PM20D2: variants seen among roughly 807,000 people sequenced by gnomAD.
PM20D2 encodes the protein xaa-Arg dipeptidase.
Under a neutral mutation model 42.9 loss-of-function variants are expected in PM20D2, and 33 were observed. The ratio of observed to expected loss-of-function variants is 0.77; its 90% CI spans 0.58 to 1.03. PM20D2 has a LOEUF of 1.03. PM20D2 is among the 50% of genes least tolerant of loss of function. The pLI is 0.00. For synonymous variants in PM20D2, 250 were observed against 228.2 expected, an observed-to-expected ratio of 1.10 and a Z score of -0.86; for missense variants, 548 against 557.0, an observed-to-expected ratio of 0.98 and a Z score of 0.16.
chr6:89,100,326 C>G, the PM20D2 span, among the ~76,000 whole-genome samples: 1 of 152,176 alleles, frequency 6.6e-6, no homozygotes, highest in African/African-American at 2.4e-5. Flanking sequence ...CCCAGAAGGG[C>G]TACAATCTAG....
At chr6:89,138,823 C>T in the PM20D2 span, among the ~76,000 whole-genome samples, 2 of 152,020 alleles carry the variant, frequency 1.3e-5, no homozygotes, top group Non-Finnish European at 2.9e-5. Context: ...AGAGATGGCA[C>T]CACTGCACTC....
At chr6:89,117,999 C>A in the PM20D2 span, 2 of 1,182,198 alleles carry the variant, frequency 1.7e-6, no homozygotes, top group Non-Finnish European at 2.3e-6. Context: ...GCGACCCCCA[C>A]CCCTCGGCCT....
the PM20D2 span, among the ~76,000 whole-genome samples, chr6:89,118,429 C>A: frequency 6.6e-6 from 1 of 152,220 alleles, no homozygotes; most frequent in Non-Finnish European, 1.5e-5. Flanking sequence ...TGGTAGGCCT[C>A]CTGCCCCTCT....
At chr6:89,134,005 G>A in the PM20D2 span, among the ~76,000 whole-genome samples, 1 of 151,282 alleles carries the variant, frequency 6.6e-6, no homozygotes, top group African/African-American at 2.5e-5. Flanking sequence ...CCCAACGACG[G>A]ATGAATAACG....
the PM20D2 span, among the ~76,000 whole-genome samples, chr6:89,101,800 A>G: frequency 2.6e-5 from 4 of 152,246 alleles, no homozygotes; most frequent in Non-Finnish European, 5.9e-5. Context: ...CACTATGGGT[A>G]TCAGAAAAAC....
chr6:89,147,709 T>G (rs833243), intron 1 of PM20D2, among the ~76,000 whole-genome samples: 1 of 150,794 alleles, frequency 6.6e-6, no homozygotes, highest in Non-Finnish European at 1.5e-5. Context: ...TGGTGAAACC[T>G]CTGTCTCTAC....
At chr6:89,099,536 A>G in the PM20D2 span, among the ~76,000 whole-genome samples, 1 of 90,900 alleles carries the variant, frequency 1.1e-5, no homozygotes, top group South Asian at 4.6e-4. Flanking sequence ...ACACACATAC[A>G]TGTTTTTTTT....
At position 89,158,357 on chromosome 6, in the gene PM20D2, C is replaced by G; in HGVS notation, c.945C>G (p.Tyr315Ter). ...VEIKGGAHDY[Y>*]NVLPNKSLWK... ...TTAAAGGTGGAGCACATGATTATTA[C>G]AATGTTCTTCCCAATAAGAGCCTAT... The change falls in exon 5 of 7, where the codon TAC becomes TAG. Residue 315 changes from tyrosine (Y) to a stop codon, truncating the protein, a stop_gained. Transcript: ENST00000275072. LOFTEE classifies it high-confidence loss of function. 1.9e-6 allele frequency: 3 copies of G among 1,602,626 alleles called. No homozygotes were observed. The highest frequency in any genetic ancestry group is 2.5e-6 in the Non-Finnish European group (3 of 1,177,170).
the PM20D2 span, among the ~76,000 whole-genome samples, chr6:89,120,740 G>T: frequency 9.5e-4 from 145 of 152,184 alleles, 1 homozygote; most frequent in Admixed American, 8.3e-3. Context: ...AACCATGGTG[G>T]CACATGCTTG....
chr6:89,149,549 T>G (rs1770757156), intron 2 of PM20D2, 136 bp downstream of exon 2: 1 of 1,119,034 alleles, frequency 8.9e-7, no homozygotes, highest in Non-Finnish European at 1.2e-6. Context: ...GATGTCTTGA[T>G]CTATGGAGTG....
the PM20D2 span, among the ~76,000 whole-genome samples, chr6:89,113,802 C>T: frequency 6.6e-6 from 1 of 152,218 alleles, no homozygotes; most frequent in Admixed American, 6.5e-5. Context: ...ACTACCACAC[C>T]TGGCTAATTT....
chr6:89,100,476 T>C, the PM20D2 span, among the ~76,000 whole-genome samples: 1 of 151,854 alleles, frequency 6.6e-6, no homozygotes, highest in South Asian at 2.1e-4. Flanking sequence ...AATGATAATG[T>C]CATGCAGAGC....
chr6:89,127,809 C>A, the PM20D2 span, among the ~76,000 whole-genome samples: 1 of 152,144 alleles, frequency 6.6e-6, no homozygotes, highest in Admixed American at 6.5e-5. Context: ...AAGTCAGGGA[C>A]CCCCAAATGG....
chr6:89,134,902 G>C, the PM20D2 span, among the ~76,000 whole-genome samples: 1 of 151,090 alleles, frequency 6.6e-6, no homozygotes. Context: ...GGTAGCTCTG[G>C]AGTGTAAATT....
chr6:89,122,109 A>G, the PM20D2 span, among the ~76,000 whole-genome samples: 1 of 152,192 alleles, frequency 6.6e-6, no homozygotes, highest in Non-Finnish European at 1.5e-5. Flanking sequence ...TTACTCCTGA[A>G]TCCTGTCTTT....
the PM20D2 span, chr6:89,099,031 T>C: frequency 7.7e-6 from 11 of 1,432,800 alleles, no homozygotes; most frequent in African/African-American, 1.4e-4. Context: ...TTACATACTT[T>C]ACATAACATT....
At chr6:89,145,175 C>T (rs142619955), upstream of PM20D2, among the ~76,000 whole-genome samples, 3 of 152,158 alleles carry the variant, frequency 2.0e-5, no homozygotes, top group African/African-American at 7.2e-5. Context: ...ATAGGCATAC[C>T]GTCAACAACA....
At chr6:89,104,132 G>T in the PM20D2 span, among the ~76,000 whole-genome samples, 3 of 136,970 alleles carry the variant, frequency 2.2e-5, no homozygotes, top group South Asian at 4.7e-4. Context: ...ACATTTTATT[G>T]TATTTCTTAC....
At chr6:89,118,565 C>T in the PM20D2 span, among the ~76,000 whole-genome samples, 1 of 152,216 alleles carries the variant, frequency 6.6e-6, no homozygotes, top group Non-Finnish European at 1.5e-5. Context: ...GCCTCTCCCG[C>T]CTCGGCCTTC....
Sources: allele counts gnomAD v4.1 joint callset (sites outside exome capture counted in the v4.1 genomes callset), GRCh38; gene constraint gnomAD v4.1.1; transcripts MANE v1.5; gene names NCBI Gene and HGNC (gene_info 2026-07-23, HGNC 2026-07-21).